Variants in ARMH4 observed in about 807,000 individuals in gnomAD.
ARMH4 encodes the protein armadillo-like helical domain-containing protein 4.
A neutral mutation model predicts 61.9 loss-of-function variants in ARMH4; 49 were observed. The observed-to-expected ratio is 0.79, with a 90% CI of 0.63 to 1.00. The LOEUF (loss-of-function observed/expected upper bound fraction) is 1.00. Among genes scored for constraint, ARMH4 ranks in the 50% least tolerant of loss-of-function variants. The pLI is 0.00. For missense variants in ARMH4, 934 were observed against 930.0 expected, an observed-to-expected ratio of 1.00 and a Z score of -0.06; for synonymous variants, 368 against 341.5, an observed-to-expected ratio of 1.08 and a Z score of -0.85.
At chr14:58,027,498 G>A (rs771942815) in intron 5 of ARMH4, among the ~76,000 whole-genome samples, 3 of 152,110 alleles carry the variant, frequency 2.0e-5, no homozygotes, top group Non-Finnish European at 4.4e-5. Context: ...GTGACTCTTT[G>A]TGATGTCTTG....
chr14:58,113,470 TTGA>T (rs1886419420), intron 4 of ARMH4, among the ~76,000 whole-genome samples: 1 of 152,222 alleles, frequency 6.6e-6, no homozygotes, highest in Non-Finnish European at 1.5e-5. Flanking sequence ...GTTTGCATTT[TTGA>T]TGGTTTATTT....
chr14:58,124,473 G>A (rs1414876569), intron 4 of ARMH4, among the ~76,000 whole-genome samples: 1 of 152,140 alleles, frequency 6.6e-6, no homozygotes, highest in Admixed American at 6.5e-5. Flanking sequence ...ATACAGGGAA[G>A]AGATTTTATT....
At chr14:58,088,019 G>A (rs1421916352) in intron 5 of ARMH4, among the ~76,000 whole-genome samples, 2 of 152,148 alleles carry the variant, frequency 1.3e-5, no homozygotes, top group Admixed American at 6.6e-5. Flanking sequence ...GCACATCTGC[G>A]AGAACAGTTG....
At chr14:58,107,273 C>G (rs1418523063) in intron 4 of ARMH4, among the ~76,000 whole-genome samples, 1 of 152,182 alleles carries the variant, frequency 6.6e-6, no homozygotes, top group African/African-American at 2.4e-5. Flanking sequence ...AGAGTAGGAA[C>G]ACCTGTTCCC....
At chr14:58,098,018 T>C (rs776496866) in intron 4 of ARMH4, among the ~76,000 whole-genome samples, 1 of 152,136 alleles carries the variant, frequency 6.6e-6, no homozygotes, top group Admixed American at 6.6e-5. Flanking sequence ...CCCTGGTAAG[T>C]GCCCACAAAG....
At chr14:58,027,385 T>G (rs1594701076) in intron 5 of ARMH4, among the ~76,000 whole-genome samples, 1 of 152,074 alleles carries the variant, frequency 6.6e-6, no homozygotes, top group Non-Finnish European at 1.5e-5. Flanking sequence ...GAAGATGGAG[T>G]CCTCTGAAGT....
At chr14:58,042,823 A>G (rs964022887) in intron 5 of ARMH4, among the ~76,000 whole-genome samples, 30 of 152,320 alleles carry the variant, frequency 2.0e-4, no homozygotes, top group Admixed American at 4.6e-4. Context: ...ACACCTCTAC[A>G]CAAATAAACT....
intron 5 of ARMH4, among the ~76,000 whole-genome samples, chr14:58,019,417 T>C (rs1290312411): frequency 6.6e-6 from 1 of 152,110 alleles, no homozygotes; most frequent in Non-Finnish European, 1.5e-5. Context: ...TAAAAACTAA[T>C]TTTTTTATAA....
At chr14:58,109,026 T>C (rs1167871184) in intron 4 of ARMH4, among the ~76,000 whole-genome samples, 1 of 152,232 alleles carries the variant, frequency 6.6e-6, no homozygotes, top group Non-Finnish European at 1.5e-5. Context: ...TTTCCGCTGA[T>C]TCTTTTAGAG....
chr14:58,092,431 T>C (rs72716905), intron 5 of ARMH4, among the ~76,000 whole-genome samples: 2 of 152,334 alleles, frequency 1.3e-5, no homozygotes, highest in Non-Finnish European at 2.9e-5. Flanking sequence ...CTGCTGCTCC[T>C]TAAATACCTA....
In ARMH4 at chr14:58,124,567, G is replaced by A. The variant is rs1886835297; in HGVS notation, c.1831+6945C>T. The stretch of plus-strand genomic sequence containing the variant: ...CAGACAACCGTTTACTTAAATATCA[G>A]GCTCTATTACTTGAAGGGCCAGTGC... On this transcript the variant is annotated intron_variant, in intron 4 of 7. Coordinates refer to ENST00000267485, the MANE Select transcript of ARMH4 (RefSeq NM_001001872.4). Among the ~76,000 whole-genome samples, 5 of 152,302 alleles carry A rather than the reference G, an allele frequency of 3.3e-5. No individual in the cohort carries two copies. In the South Asian group the frequency reaches 1.0e-3, roughly 32 times the overall value.
intron 6 of ARMH4, among the ~76,000 whole-genome samples, chr14:58,010,773 G>T (rs528318192): frequency 6.6e-6 from 1 of 151,304 alleles, no homozygotes; most frequent in South Asian, 2.1e-4. Context: ...TATACATGCA[G>T]ATAAGAAATT....
rs149538329 is a variant in ARMH4 at position 58,049,819 on chromosome 14, C to T, written c.2090-37669G>A. Among the ~76,000 whole-genome samples, 254 of 152,298 alleles carry T rather than the reference C, an allele frequency of 1.7e-3. 2 individuals are homozygous for T. The highest frequency in any genetic ancestry group is 5.9e-3 in the African/African-American group (244 of 41,552). On this transcript the variant is annotated intron_variant, in intron 5 of 7. Coordinates refer to ENST00000267485, the MANE Select transcript of ARMH4 (RefSeq NM_001001872.4). Reference sequence around the variant, plus strand: ...CTCCCTGGACTGTTAAAATGAATGACTTGGAGGCATGATGGTGTGACACAG... The same window carrying T: ...CTCCCTGGACTGTTAAAATGAATGATTTGGAGGCATGATGGTGTGACACAG...
chr14:58,137,839 G>A lies in ARMH4; in HGVS notation c.1369+151C>T, dbSNP rs546808102. On this transcript the variant is annotated intron_variant, in intron 2 of 7. Coordinates refer to ENST00000267485, the MANE Select transcript of ARMH4 (RefSeq NM_001001872.4). ...TGCGCCCAAGCAATCCTCACACCTCGGCCTCCGAAAATGCTGGGATTATAG... is the reference window on the plus strand; with the variant it reads ...TGCGCCCAAGCAATCCTCACACCTCAGCCTCCGAAAATGCTGGGATTATAG... 34 of 745,852 alleles carry A rather than the reference G, an allele frequency of 4.6e-5. No individual in the cohort carries two copies. In the Middle Eastern group the frequency reaches 1.2e-3, roughly 26 times the overall value. 46.2% of individuals were successfully genotyped at this position (745,852 alleles called of 1,614,324 possible).
At chr14:58,012,751 C>T (rs887852209) in intron 5 of ARMH4, among the ~76,000 whole-genome samples, 1 of 152,140 alleles carries the variant, frequency 6.6e-6, no homozygotes, top group South Asian at 2.1e-4. Flanking sequence ...AAAATAAAAG[C>T]AATGACCAAG....
intron 5 of ARMH4, among the ~76,000 whole-genome samples, chr14:58,079,336 G>A (rs897932590): frequency 1.1e-4 from 16 of 152,168 alleles, no homozygotes; most frequent in Admixed American, 9.2e-4. Context: ...ATCATCCGAT[G>A]GCAGAAGGCA....
At chr14:58,047,404 A>C (rs2141193802) in intron 5 of ARMH4, among the ~76,000 whole-genome samples, 1 of 152,352 alleles carries the variant, frequency 6.6e-6, no homozygotes, top group South Asian at 2.1e-4. Flanking sequence ...TCTTAGTAAC[A>C]GTTAAAACAT....
chr14:58,007,410 G>T (rs1477177852), intron 6 of ARMH4, among the ~76,000 whole-genome samples: 2 of 152,098 alleles, frequency 1.3e-5, no homozygotes, highest in Non-Finnish European at 2.9e-5. Context: ...ATGTTTTAAA[G>T]TATACTTTCA....
chr14:58,056,308 G>C (rs1884347399), intron 5 of ARMH4, among the ~76,000 whole-genome samples: 1 of 152,172 alleles, frequency 6.6e-6, no homozygotes, highest in South Asian at 2.1e-4. Context: ...TATCAAATGA[G>C]TTCCAAATTA....
Sources: gnomAD v4.1 joint callset for allele counts (sites outside exome capture counted in the v4.1 genomes callset) on GRCh38, gnomAD v4.1.1 for gene constraint, MANE v1.5 for transcripts, NCBI Gene and HGNC (gene_info 2026-07-23, HGNC 2026-07-21) for gene names.